SLC4A5: variants seen among roughly 807,000 people sequenced by gnomAD.
The protein encoded by SLC4A5 is solute carrier family 4 member 5, also known as electrogenic sodium bicarbonate cotransporter 4.
In SLC4A5, 96 loss-of-function variants were observed where a neutral mutation model predicts 120.4. That is an observed-to-expected ratio of 0.80 (90% confidence interval 0.68 to 0.94). The LOEUF (loss-of-function observed/expected upper bound fraction) is 0.94. Ranked by LOEUF, SLC4A5 falls within the 40% of genes least tolerant of loss-of-function variation. SLC4A5 has a pLI of 0.00. For synonymous variants in SLC4A5, 550 were observed against 571.1 expected (o/e 0.96, Z 0.53); for missense variants, 1,259 against 1,459.5 (o/e 0.86, Z 2.24).
At chr2:74,233,651 C>T in intron 22 of SLC4A5, 88 bp from the exon 23 acceptor site, 1 of 1,422,480 alleles carries the variant, frequency 7.0e-7, no homozygotes, top group Non-Finnish European at 9.3e-7. Flanking sequence ...ACCTCCTCAA[C>T]TTTCCCTGAC....
At chr2:74,221,208 A>C (rs1572997472) in intron 30 of SLC4A5, among the ~76,000 whole-genome samples, 1 of 152,322 alleles carries the variant, frequency 6.6e-6, no homozygotes, top group East Asian at 1.9e-4. Context: ...CTAAAGTTGA[A>C]TACCTTTGTG....
chr2:74,262,901 A>G (rs1671186739), intron 10 of SLC4A5, among the ~76,000 whole-genome samples: 1 of 152,098 alleles, frequency 6.6e-6, no homozygotes. Flanking sequence ...GGAGACAAGA[A>G]CCGTACCTAC....
rs1171261527 is a variant in SLC4A5, at chr2:74,252,973, C to G, written c.1268+1G>C. ...TCCCTACTGCCCATTCTCATACACA[C>G]CTCTTGTCAGCAGAGGGCACCTTCT... On this transcript the variant is annotated splice_donor_variant, in intron 15 of 30. Transcript: ENST00000394019. LOFTEE classifies it high-confidence loss of function. 2 of 1,614,144 alleles carry G rather than the reference C, an allele frequency of 1.2e-6. No individual in the cohort carries two copies. Among genetic ancestry groups the G allele is most frequent in the Non-Finnish European group, 1.7e-6 (2 of 1,180,020 alleles).
intron 27 of SLC4A5, among the ~76,000 whole-genome samples, chr2:74,225,400 A>C (rs1388428681): frequency 6.6e-6 from 1 of 152,178 alleles, no homozygotes; most frequent in Non-Finnish European, 1.5e-5. Flanking sequence ...GTTTAAGACC[A>C]GCCTGGCCAA....
intron 23 of SLC4A5, among the ~76,000 whole-genome samples, chr2:74,233,072 G>C (rs1433834005): frequency 1.3e-5 from 2 of 152,204 alleles, no homozygotes; most frequent in Non-Finnish European, 2.9e-5. Context: ...GGCTAAGGAA[G>C]TTCCTCTGCC....
chr2:74,248,119 T>C (rs1169592276), intron 18 of SLC4A5, among the ~76,000 whole-genome samples: 1 of 152,210 alleles, frequency 6.6e-6, no homozygotes, highest in African/African-American at 2.4e-5. Context: ...GTGTGAATTT[T>C]CTCCTCTTGT....
At chr2:74,228,059 T>A (rs992722944) in intron 25 of SLC4A5, among the ~76,000 whole-genome samples, 181 bp from the exon 26 acceptor site, 1 of 152,230 alleles carries the variant, frequency 6.6e-6, no homozygotes, top group African/African-American at 2.4e-5. Flanking sequence ...GGGGCTGTAC[T>A]GCCCCTTCTC....
chr2:74,322,366 A>G (rs1490412389), intron 5 of SLC4A5, among the ~76,000 whole-genome samples: 1 of 152,212 alleles, frequency 6.6e-6, no homozygotes, highest in Admixed American at 6.5e-5. Flanking sequence ...AGGAAGTTGT[A>G]AAAGAAAATG....
chr2:74,316,253 T>C (rs1017848160), intron 5 of SLC4A5, among the ~76,000 whole-genome samples: 1 of 140,514 alleles, frequency 7.1e-6, no homozygotes, highest in South Asian at 2.2e-4. Flanking sequence ...AAAATGATTG[T>C]AGGAAAGACA....
At chr2:74,331,681 T>G (rs1460849268) in intron 4 of SLC4A5, among the ~76,000 whole-genome samples, 1 of 151,920 alleles carries the variant, frequency 6.6e-6, no homozygotes, top group Non-Finnish European at 1.5e-5. Context: ...AAATGGCATT[T>G]GTCAGGGGGA....
intron 27 of SLC4A5, among the ~76,000 whole-genome samples, chr2:74,225,245 C>G (rs1694802986): frequency 6.6e-6 from 1 of 152,132 alleles, no homozygotes; most frequent in Admixed American, 6.6e-5. Context: ...CCTGTGACAG[C>G]CGAAGTGGGG....
chr2:74,264,121 G>A (rs779358757), intron 10 of SLC4A5, 26 bp downstream of exon 10: 32 of 1,607,638 alleles, frequency 2.0e-5, no homozygotes, highest in Non-Finnish European at 2.7e-5. Flanking sequence ...CATGTCCCAT[G>A]CCTACCAGCG....
At chr2:74,270,981 T>G (rs1315565521) in intron 8 of SLC4A5, among the ~76,000 whole-genome samples, 3 of 152,188 alleles carry the variant, frequency 2.0e-5, no homozygotes, top group Non-Finnish European at 4.4e-5. Context: ...ATGCTTTAGT[T>G]TCTCTGATTT....
At chr2:74,299,763 G>T (rs1672424884) in intron 7 of SLC4A5, among the ~76,000 whole-genome samples, 1 of 152,208 alleles carries the variant, frequency 6.6e-6, no homozygotes, top group Admixed American at 6.5e-5. Context: ...CTTGTGCACT[G>T]TTGGTGGGAA....
At chr2:74,267,712 TA>T (rs1197547832) in intron 8 of SLC4A5, among the ~76,000 whole-genome samples, 2 of 152,234 alleles carry the variant, frequency 1.3e-5, no homozygotes, top group East Asian at 3.8e-4. Context: ...GCAGTCTGGT[TA>T]GGCTGGGTGA....
chr2:74,343,205 A>G (rs1673663568), intron 1 of SLC4A5, among the ~76,000 whole-genome samples, 151 bp downstream of exon 1: 1 of 152,206 alleles, frequency 6.6e-6, no homozygotes. Flanking sequence ...TAAGTCTTGT[A>G]CAGGCCTTTA....
chr2:74,304,021 T>C (rs944081116), intron 7 of SLC4A5, among the ~76,000 whole-genome samples: 3 of 151,840 alleles, frequency 2.0e-5, no homozygotes, highest in Admixed American at 6.6e-5. Flanking sequence ...GGCTAATTTT[T>C]TGTATTTTTA....
chr2:74,230,507 G>T (rs1670038798), intron 25 of SLC4A5, among the ~76,000 whole-genome samples: 1 of 152,176 alleles, frequency 6.6e-6, no homozygotes, highest in Non-Finnish European at 1.5e-5. Flanking sequence ...CTCCTGAGTA[G>T]CCGGACTACA....
chr2:74,230,568 G>A (rs1573006549), intron 25 of SLC4A5, among the ~76,000 whole-genome samples: 2 of 152,110 alleles, frequency 1.3e-5, no homozygotes, highest in East Asian at 3.9e-4. Flanking sequence ...AACTTCATGA[G>A]CCCCAAACCC....
Sources: gnomAD v4.1 joint callset for allele counts (sites outside exome capture counted in the v4.1 genomes callset) on GRCh38, gnomAD v4.1.1 for gene constraint, MANE v1.5 for transcripts, NCBI Gene and HGNC (gene_info 2026-07-23, HGNC 2026-07-21) for gene names.